The following PCNX1 variants were observed in gnomAD, a reference collection of about 807,000 sequenced individuals.
The protein encoded by PCNX1 is pecanex 1.
In PCNX1, 78 loss-of-function variants were observed where a neutral mutation model predicts 242.2. The observed-to-expected ratio is 0.32, with a 90% CI of 0.27 to 0.39. The LOEUF is 0.39. PCNX1 is among the 10% of genes least tolerant of loss of function. The probability of loss-of-function intolerance (pLI) is 1.00; values close to 1 mark genes in which losing one functional copy is unlikely to be tolerated. For missense variants in PCNX1, 2,581 were observed against 2,856.5 expected (o/e 0.90, Z 2.20); for synonymous variants, 1,024 against 1,032.9 (o/e 0.99, Z 0.17).
intron 8 of PCNX1, among the ~76,000 whole-genome samples, chr14:71,001,061 T>G (rs1294191076): frequency 2.0e-5 from 3 of 152,224 alleles, no homozygotes; most frequent in Non-Finnish European, 4.4e-5. Context: ...AGGATTATAT[T>G]TATTAAGCAT....
At chr14:71,049,106 T>G in intron 22 of PCNX1, 1 of 901,668 alleles carries the variant, frequency 1.1e-6, no homozygotes, top group Middle Eastern at 5.7e-4. Flanking sequence ...TTTCATCTTA[T>G]ACTGGTTGGA....
chr14:71,105,485 A>G (rs1201747048), intron 33 of PCNX1, 45 bp downstream of exon 33: 1 of 1,429,256 alleles, frequency 7.0e-7, no homozygotes, highest in Non-Finnish European at 9.9e-7. Context: ...CTTCTTAGCC[A>G]TAGAGGCTGG....
intron 33 of PCNX1, among the ~76,000 whole-genome samples, chr14:71,106,300 G>A (rs2062619794): frequency 1.3e-5 from 2 of 152,082 alleles, no homozygotes; most frequent in Admixed American, 6.5e-5. Flanking sequence ...TTACAGGCGT[G>A]AGCCACCACG....
At position 71,007,781 on chromosome 14, in the gene PCNX1, C is replaced by T. The variant is rs117012898; in HGVS notation, c.2630-1853C>T. ...AAAATTTTTTTAATTTTAAGTGAGC[C>T]GGTATTTTTTATTTTTTTTTCGGTA... On this transcript the variant is annotated intron_variant, in intron 8 of 35. Transcript: ENST00000304743. 9.0e-3 allele frequency among the ~76,000 whole-genome samples: 1,369 copies of T among 151,802 alleles called. 10 individuals are homozygous for T. Among genetic ancestry groups the T allele is most frequent in the Non-Finnish European group, 0.012 (844 of 67,916 alleles).
At chr14:70,993,403 C>A (rs1172802899) in intron 7 of PCNX1, among the ~76,000 whole-genome samples, 1 of 152,080 alleles carries the variant, frequency 6.6e-6, no homozygotes, top group Non-Finnish European at 1.5e-5. Context: ...GCTGGAATCA[C>A]AGGTGTGAGC....
intron 7 of PCNX1, among the ~76,000 whole-genome samples, chr14:70,995,106 T>C (rs772163764): frequency 1.3e-5 from 2 of 152,212 alleles, no homozygotes; most frequent in Non-Finnish European, 2.9e-5. Flanking sequence ...GTAAGCTTTT[T>C]ATAGATAACA....
intron 6 of PCNX1, among the ~76,000 whole-genome samples, chr14:70,979,963 C>CT (rs372868612): frequency 0.015 from 2,013 of 136,534 alleles, 29 homozygotes; most frequent in South Asian, 0.044. Context: ...ATAGTTCTCT[C>CT]TTTTTTTTTT....
At chr14:70,929,044 G>T (rs954984059) in intron 1 of PCNX1, among the ~76,000 whole-genome samples, 1 of 152,122 alleles carries the variant, frequency 6.6e-6, no homozygotes, top group Non-Finnish European at 1.5e-5. Context: ...TGTTGGGTAT[G>T]TTCTATTCCG....
intron 31 of PCNX1, 32 bp downstream of exon 31, chr14:71,102,252 A>G: frequency 6.6e-7 from 1 of 1,524,598 alleles, no homozygotes; most frequent in Non-Finnish European, 9.1e-7. Context: ...TTGGTCCAAA[A>G]CATAGAAGTT....
chr14:70,924,207 G>A (rs1402286519), intron 1 of PCNX1, among the ~76,000 whole-genome samples: 1 of 146,650 alleles, frequency 6.8e-6, no homozygotes, highest in Non-Finnish European at 1.5e-5. Flanking sequence ...ACTCCAGCCT[G>A]GGTGACACAG....
At chr14:71,063,001 A>G (rs1238235554) in intron 26 of PCNX1, among the ~76,000 whole-genome samples, 1 of 152,184 alleles carries the variant, frequency 6.6e-6, no homozygotes, top group Non-Finnish European at 1.5e-5. Context: ...AATAGGCTAT[A>G]TTATATAGCC....
intron 2 of PCNX1, among the ~76,000 whole-genome samples, chr14:70,949,177 C>T (rs1485220124): frequency 3.0e-5 from 4 of 135,506 alleles, no homozygotes; most frequent in African/African-American, 8.7e-5. Context: ...AATGCTTATA[C>T]ATCTCAGCAT....
chr14:70,959,495 T>C (rs1305169322), intron 2 of PCNX1, among the ~76,000 whole-genome samples: 6 of 151,022 alleles, frequency 4.0e-5, no homozygotes, highest in African/African-American at 1.5e-4. Flanking sequence ...TTTTTTGTTC[T>C]TGCGATAGTT....
intron 7 of PCNX1, 35 bp from the exon 8 acceptor site, chr14:70,995,706 C>T: frequency 6.3e-7 from 1 of 1,583,988 alleles, no homozygotes; most frequent in Non-Finnish European, 8.7e-7. Context: ...TCTTTTCTTC[C>T]CTGTAATGTC....
At chr14:70,956,690 TAAAG>T (rs1019593823) in intron 2 of PCNX1, among the ~76,000 whole-genome samples, 7 of 152,046 alleles carry the variant, frequency 4.6e-5, no homozygotes, top group East Asian at 1.9e-4. Context: ...GTGTGGGAAA[TAAAG>T]AAAGAACAGA....
intron 1 of PCNX1, among the ~76,000 whole-genome samples, chr14:70,912,104 G>A (rs1051719206): frequency 6.6e-6 from 1 of 151,940 alleles, no homozygotes; most frequent in East Asian, 1.9e-4. Flanking sequence ...GCATGGTGGC[G>A]GGCGCCTGTA....
At chr14:71,072,174 C>G (rs1055681996) in intron 26 of PCNX1, among the ~76,000 whole-genome samples, 1 of 152,110 alleles carries the variant, frequency 6.6e-6, no homozygotes, top group East Asian at 1.9e-4. Context: ...AAAAATGGTA[C>G]CAATAGATTT....
intron 2 of PCNX1, among the ~76,000 whole-genome samples, chr14:70,954,710 C>G (rs1308041287): frequency 6.6e-6 from 1 of 152,100 alleles, no homozygotes; most frequent in Non-Finnish European, 1.5e-5. Flanking sequence ...TCTATATGAT[C>G]ACAATTATTT....
At chr14:71,094,846 A>G (rs753254203) in intron 30 of PCNX1, among the ~76,000 whole-genome samples, 10 of 152,160 alleles carry the variant, frequency 6.6e-5, no homozygotes, top group Non-Finnish European at 1.5e-4. Context: ...ACGGGGGATC[A>G]TTTGAGTCCA....
Sources: gnomAD v4.1 joint callset for allele counts (sites outside exome capture counted in the v4.1 genomes callset) on GRCh38, gnomAD v4.1.1 for gene constraint, MANE v1.5 for transcripts, NCBI Gene and HGNC (gene_info 2026-07-23, HGNC 2026-07-21) for gene names.